Variants in AGAP1 observed in about 807,000 individuals in gnomAD.
The protein encoded by AGAP1 is arf-GAP with GTPase, ANK repeat and PH domain-containing protein 1.
A neutral mutation model predicts 105.3 loss-of-function variants in AGAP1; 29 were observed. The observed-to-expected ratio is 0.28, with a 90% CI of 0.21 to 0.38. AGAP1 has a LOEUF of 0.38. AGAP1 is among the 10% of genes least tolerant of loss of function. The pLI, the probability that AGAP1 is intolerant of heterozygous loss-of-function variation, is 1.00. For synonymous variants in AGAP1, 509 were observed against 485.9 expected (o/e 1.05, Z -0.63); for missense variants, 998 against 1,165.1 (o/e 0.86, Z 2.09).
rs1457553981 is a variant in AGAP1, at chr2:235,905,193, A to G, written c.1156-3545A>G. Among the ~76,000 whole-genome samples the G allele has an allele frequency of 6.6e-6, 1 of 152,234 alleles. No homozygotes were observed. Among genetic ancestry groups the G allele is most frequent in the East Asian group, 1.9e-4 (1 of 5,184 alleles). ...ATTAAAAGAGCCCATGCTGAGGCTT[A>G]GTCACTATCTGATTAGCCTCATTTT... On this transcript the variant is annotated intron_variant, in intron 10 of 17. Coordinates refer to ENST00000304032, the MANE Select transcript of AGAP1 (RefSeq NM_001037131.3). This position sits in a 1 kb window ranked among gnomAD's most constrained non-coding sequence, Gnocchi z 4.2.
intron 13 of AGAP1, among the ~76,000 whole-genome samples, chr2:236,015,101 C>T (rs2056651708): frequency 6.6e-6 from 1 of 152,202 alleles, no homozygotes; most frequent in Non-Finnish European, 1.5e-5. Context: ...TAAATTTTGA[C>T]CTTTCCCTTC....
At chr2:235,937,803 G>A (rs988073375) in intron 12 of AGAP1, among the ~76,000 whole-genome samples, 1 of 152,188 alleles carries the variant, frequency 6.6e-6, no homozygotes, top group African/African-American at 2.4e-5. Flanking sequence ...AAGCCACCAG[G>A]GTGCTGCTGA....
intron 16 of AGAP1, among the ~76,000 whole-genome samples, chr2:236,099,411 C>T (rs1046173489): frequency 2.6e-5 from 4 of 151,442 alleles, no homozygotes; most frequent in Non-Finnish European, 4.4e-5. Flanking sequence ...GCCGAGATCA[C>T]ACCACTGCAC....
rs543045575 is a variant in AGAP1, at chr2:235,728,771, G to T, written c.310+11127G>T. Among the ~76,000 whole-genome samples the T allele has an allele frequency of 2.0e-5, 3 of 152,190 alleles. No individual in the cohort carries two copies. The highest frequency in any genetic ancestry group is 4.4e-5 in the Non-Finnish European group (3 of 68,036). On this transcript the variant is annotated intron_variant, in intron 3 of 17. Coordinates refer to ENST00000304032, the MANE Select transcript of AGAP1 (RefSeq NM_001037131.3). The surrounding 1 kb of genome is among the most constrained non-coding windows in gnomAD (Gnocchi z 4.3). Reference sequence around the variant, plus strand: ...AGGCCAAATACATTGAAATGAAAGCGTGCCTAGTGGAGCAAGAGCGGGGCG... The same window carrying T: ...AGGCCAAATACATTGAAATGAAAGCTTGCCTAGTGGAGCAAGAGCGGGGCG...
chr2:236,102,179 A>C (rs1159814533), intron 16 of AGAP1, among the ~76,000 whole-genome samples: 2 of 152,178 alleles, frequency 1.3e-5, no homozygotes, highest in South Asian at 2.1e-4. Flanking sequence ...GCACTTTGGG[A>C]GGCCAAGGCG....
In AGAP1 at chr2:235,743,210, A is replaced by G. The variant is rs536437147; in HGVS notation, c.397-1488A>G. Among the ~76,000 whole-genome samples, 22 of 152,318 alleles carry G rather than the reference A, an allele frequency of 1.4e-4. No individual in the cohort carries two copies. The South Asian group carries it at 2.7e-3, about 19-fold the overall frequency. ...CATAGTTTCAGTTTTCTGATGGTGA[A>G]CATGTTAGATTGGGGGGTTATTTAT... On this transcript the variant is annotated intron_variant, in intron 4 of 17. Coordinates refer to ENST00000304032, the MANE Select transcript of AGAP1 (RefSeq NM_001037131.3).
rs1024436307 is a variant in AGAP1 at position 235,740,358 on chromosome 2, A to T, written c.311-605A>T. On this transcript the variant is annotated intron_variant, in intron 3 of 17. Transcript: ENST00000304032. The surrounding 1 kb of genome is among the most constrained non-coding windows in gnomAD (Gnocchi z 5.7). ...CGCGTGGTCTCTAACGCCTCCTGTCAGCCGCTGCTCTGCTGTCTCCACCCG... is the reference window on the plus strand; with the variant it reads ...CGCGTGGTCTCTAACGCCTCCTGTCTGCCGCTGCTCTGCTGTCTCCACCCG... Among the ~76,000 whole-genome samples, 19 of 152,202 alleles carry T rather than the reference A, an allele frequency of 1.2e-4. No individual in the cohort carries two copies. Among genetic ancestry groups the T allele is most frequent in the African/African-American group, 4.3e-4 (18 of 41,528 alleles).
chr2:235,503,368 C>T (rs1293963065), intron 1 of AGAP1, among the ~76,000 whole-genome samples: 1 of 152,094 alleles, frequency 6.6e-6, no homozygotes, highest in Non-Finnish European at 1.5e-5. Flanking sequence ...GAGCCGGGAT[C>T]GCGTATCTGC....
Position 235,578,098 on chromosome 2 carries a change from A to T in AGAP1, c.163+83249A>T, listed in dbSNP as rs542502544. Among the ~76,000 whole-genome samples the T allele has an allele frequency of 1.8e-3, 280 of 152,254 alleles. No individual in the cohort carries two copies. The highest frequency in any genetic ancestry group is 6.2e-3 in the African/African-American group (257 of 41,560). On this transcript the variant is annotated intron_variant, in intron 1 of 17. Transcript: ENST00000304032. The surrounding 1 kb of genome is among the most constrained non-coding windows in gnomAD (Gnocchi z 4.9). Reference sequence around the variant, plus strand: ...TGAGGGTCCGAGCGTGATTGGGAGCAGAGACAAGAGTTCCAGGGCGAGCCT... The same window carrying T: ...TGAGGGTCCGAGCGTGATTGGGAGCTGAGACAAGAGTTCCAGGGCGAGCCT...
rs924276895 is a variant in AGAP1, at chr2:236,061,229, C to T, written c.2114+11948C>T. Among the ~76,000 whole-genome samples, 3 of 152,130 alleles carry T rather than the reference C, an allele frequency of 2.0e-5. No homozygotes were observed. Among genetic ancestry groups the T allele is most frequent in the Admixed American group, 1.3e-4 (2 of 15,272 alleles). On this transcript the variant is annotated intron_variant, in intron 16 of 17. Coordinates refer to ENST00000304032, the MANE Select transcript of AGAP1 (RefSeq NM_001037131.3). This position sits in a 1 kb window ranked among gnomAD's most constrained non-coding sequence, Gnocchi z 4.1. ...CCCACCGCACGTGCTCTTGGACGGT[C>T]GTGGCAAGTGTTGGTGAGGAACGTG...
chr2:236,099,477 T>C (rs1386342996), intron 16 of AGAP1, among the ~76,000 whole-genome samples: 1 of 151,264 alleles, frequency 6.6e-6, no homozygotes, highest in Non-Finnish European at 1.5e-5. Flanking sequence ...AAAAGAAATA[T>C]GGTGCTTGGT....
intron 1 of AGAP1, among the ~76,000 whole-genome samples, chr2:235,512,857 G>T (rs1170759098): frequency 6.6e-6 from 1 of 152,194 alleles, no homozygotes; most frequent in Non-Finnish European, 1.5e-5. Flanking sequence ...ATACATGAGT[G>T]AAAATATTAT....
Position 236,040,872 on chromosome 2 carries a change from C to T in AGAP1, c.1891+31C>T, listed in dbSNP as rs751070906. The T allele has an allele frequency of 2.5e-6, 4 of 1,610,782 alleles. No individual in the cohort carries two copies. Among genetic ancestry groups the T allele is most frequent in the Admixed American group, 1.7e-5 (1 of 59,962 alleles). On this transcript the variant is annotated intron_variant, in intron 15 of 17. Transcript: ENST00000304032. This position sits in a 1 kb window ranked among gnomAD's most constrained non-coding sequence, Gnocchi z 5.6. ...TGTGTGCGGTGGTAGCAGGGGCTGG[C>T]GCTGTGTAGCTGGAGACCACATGGT...
chr2:235,674,018 G>T (rs893689127), intron 1 of AGAP1, among the ~76,000 whole-genome samples: 1 of 152,230 alleles, frequency 6.6e-6, no homozygotes, highest in Admixed American at 6.5e-5. Context: ...TCCTACATAC[G>T]TGTACCTTTG....
rs1001658290 is a variant in AGAP1 at position 236,104,875 on chromosome 2, G to A, written c.2115-15317G>A. On this transcript the variant is annotated intron_variant, in intron 16 of 17. Coordinates refer to ENST00000304032, the MANE Select transcript of AGAP1 (RefSeq NM_001037131.3). This position sits in a 1 kb window ranked among gnomAD's most constrained non-coding sequence, Gnocchi z 4.7. ...AGTTCATGCCACTGCACTGCAGCCT[G>A]GGCTACAGAGCGAGACTCTGTCTCA... Among the ~76,000 whole-genome samples the A allele has an allele frequency of 1.3e-5, 2 of 152,058 alleles. No individual in the cohort carries two copies. The highest frequency in any genetic ancestry group is 2.9e-5 in the Non-Finnish European group (2 of 68,004).
At chr2:235,804,638 C>G (rs1957749126) in intron 8 of AGAP1, among the ~76,000 whole-genome samples, 1 of 152,204 alleles carries the variant, frequency 6.6e-6, no homozygotes, top group Non-Finnish European at 1.5e-5. Context: ...CATGGCTTCT[C>G]TCACCACGGC....
At position 235,753,050 on chromosome 2, in the gene AGAP1, CCACCCTTGTGATCAGT is replaced by C. The variant is rs1356858489; in HGVS notation, c.673+2567_673+2582del. Among the ~76,000 whole-genome samples, 1 of 152,168 alleles carries C rather than the reference CCACCCTTGTGATCAGT, an allele frequency of 6.6e-6. No homozygotes were observed. The highest frequency in any genetic ancestry group is 2.4e-5 in the African/African-American group (1 of 41,442). The stretch of plus-strand genomic sequence containing the variant: ...AAGGCACTTAACCCATCACAGGGTT[CCACCCTTGTGATCAGT>C]CACCTGGCAGAGGCCCCACCTCTTA... On this transcript the variant is annotated intron_variant, in intron 6 of 17. Coordinates refer to ENST00000304032, the MANE Select transcript of AGAP1 (RefSeq NM_001037131.3). The surrounding 1 kb of genome is among the most constrained non-coding windows in gnomAD (Gnocchi z 4.5).
chr2:236,060,857 C>A (rs1347135669), intron 16 of AGAP1, among the ~76,000 whole-genome samples: 1 of 152,112 alleles, frequency 6.6e-6, no homozygotes, highest in South Asian at 2.1e-4. Context: ...AGGCCAGCAT[C>A]TCAAGACCTG....
intron 1 of AGAP1, among the ~76,000 whole-genome samples, chr2:235,531,507 T>C (rs79043417): frequency 1.7e-3 from 252 of 152,288 alleles, no homozygotes; most frequent in Non-Finnish European, 3.2e-3. Context: ...CCTGCCATTT[T>C]GGCCTTGAAA....
Sources: gnomAD v4.1 joint callset for allele counts (sites outside exome capture counted in the v4.1 genomes callset) on GRCh38, gnomAD v4.1.1 for gene constraint, Gnocchi (gnomAD v3.1) non-coding constraint, MANE v1.5 for transcripts, NCBI Gene and HGNC (gene_info 2026-07-23, HGNC 2026-07-21) for gene names.